Variants in ADGRL3 observed in about 807,000 individuals in gnomAD.
The protein encoded by ADGRL3 is adhesion G protein-coupled receptor L3.
A neutral mutation model predicts 153.5 loss-of-function variants in ADGRL3; 62 were observed. The ratio of observed to expected loss-of-function variants is 0.40; its 90% CI spans 0.33 to 0.50. The LOEUF (loss-of-function observed/expected upper bound fraction) is 0.50. Among genes scored for constraint, ADGRL3 ranks in the 20% least tolerant of loss-of-function variants. The probability of loss-of-function intolerance (pLI) is 0.47; values close to 1 mark genes in which losing one functional copy is unlikely to be tolerated. For synonymous variants in ADGRL3, 710 were observed against 672.5 expected (o/e 1.06, Z -0.86); for missense variants, 1,641 against 1,859.4 (o/e 0.88, Z 2.16).
At chr4:61,623,060 C>G (rs980314952) in intron 5 of ADGRL3, among the ~76,000 whole-genome samples, 1 of 152,048 alleles carries the variant, frequency 6.6e-6, no homozygotes, top group Non-Finnish European at 1.5e-5. Flanking sequence ...TTTGAAATCT[C>G]TCTAACTTTA....
intron 1 of ADGRL3, among the ~76,000 whole-genome samples, chr4:61,275,708 A>G (rs1429115372): frequency 6.6e-6 from 1 of 152,208 alleles, no homozygotes; most frequent in Non-Finnish European, 1.5e-5. Context: ...ACCCATTTAT[A>G]TAACCTGCCT....
chr4:61,330,183 T>C lies in ADGRL3; in HGVS notation c.-239-52941T>C, dbSNP rs570262869. Reference sequence around the variant, plus strand: ...TTTGGTGAATATGATTGATGGTTAATTTGATGTGTTTACTTGACTGGGATA... The same window carrying C: ...TTTGGTGAATATGATTGATGGTTAACTTGATGTGTTTACTTGACTGGGATA... On this transcript the variant is annotated intron_variant, in intron 1 of 26. Coordinates refer to ENST00000683033, the MANE Select transcript of ADGRL3 (RefSeq NM_001387552.1). 2.0e-5 allele frequency among the ~76,000 whole-genome samples: 3 copies of C among 152,186 alleles called. No individual in the cohort carries two copies. In the East Asian group the frequency reaches 5.8e-4, roughly 29 times the overall value.
chr4:62,064,203 C>T (rs1741729269), intron 25 of ADGRL3, among the ~76,000 whole-genome samples: 1 of 151,970 alleles, frequency 6.6e-6, no homozygotes, highest in African/African-American at 2.4e-5. Context: ...CTGCCATTGC[C>T]AGTAAGAGCT....
At chr4:62,020,690 A>G (rs2151377085) in intron 21 of ADGRL3, among the ~76,000 whole-genome samples, 1 of 152,234 alleles carries the variant, frequency 6.6e-6, no homozygotes, top group South Asian at 2.1e-4. Flanking sequence ...AAATTCTGGA[A>G]CTTAAATTTC....
intron 8 of ADGRL3, among the ~76,000 whole-genome samples, chr4:61,772,917 A>C (rs961268791): frequency 2.6e-5 from 4 of 152,130 alleles, no homozygotes; most frequent in African/African-American, 9.7e-5. Context: ...CCATGTTTTA[A>C]AATATTATGT....
At chr4:61,849,136 T>C (rs952941861) in intron 9 of ADGRL3, among the ~76,000 whole-genome samples, 1 of 152,200 alleles carries the variant, frequency 6.6e-6, no homozygotes, top group Admixed American at 6.5e-5. Flanking sequence ...TCCTCTAAAA[T>C]GGTCTGGATT....
At chr4:61,336,875 T>TA (rs2095687961) in intron 1 of ADGRL3, among the ~76,000 whole-genome samples, 2 of 150,168 alleles carry the variant, frequency 1.3e-5, no homozygotes, top group Non-Finnish European at 3.0e-5. Context: ...TTTTTTTTTT[T>TA]ACTAGCTTTG....
At chr4:61,966,290 T>C (rs1395504809) in intron 17 of ADGRL3, among the ~76,000 whole-genome samples, 1 of 152,210 alleles carries the variant, frequency 6.6e-6, no homozygotes. Context: ...TCTTGCCTCA[T>C]GCAGTGTCTA....
chr4:61,620,274 G>T (rs1308464736), intron 5 of ADGRL3, among the ~76,000 whole-genome samples: 2 of 152,100 alleles, frequency 1.3e-5, no homozygotes, highest in African/African-American at 4.8e-5. Flanking sequence ...CAAGACACAG[G>T]ACAGGCGATA....
At chr4:61,569,334 A>G (rs2098829234) in intron 4 of ADGRL3, among the ~76,000 whole-genome samples, 2 of 152,180 alleles carry the variant, frequency 1.3e-5, no homozygotes, top group South Asian at 2.1e-4. Context: ...TTTATAGTAT[A>G]TTTATACAGT....
At chr4:61,941,250 G>A (rs1343173189) in intron 15 of ADGRL3, among the ~76,000 whole-genome samples, 6 of 132,168 alleles carry the variant, frequency 4.5e-5, no homozygotes, top group East Asian at 5.9e-4. Context: ...GTAGATATGC[G>A]GTGTTATTTC....
intron 2 of ADGRL3, among the ~76,000 whole-genome samples, chr4:61,419,044 C>T (rs1252290557): frequency 1.3e-5 from 2 of 150,564 alleles, no homozygotes; most frequent in African/African-American, 4.9e-5. Flanking sequence ...GCTTAGATGA[C>T]AATTATTTTG....
intron 9 of ADGRL3, among the ~76,000 whole-genome samples, chr4:61,841,088 A>G (rs2148992408): frequency 6.6e-6 from 1 of 152,326 alleles, no homozygotes; most frequent in Non-Finnish European, 1.5e-5. Flanking sequence ...CTAGATTCCC[A>G]TAAAAGGCAA....
intron 9 of ADGRL3, among the ~76,000 whole-genome samples, chr4:61,858,227 G>A (rs1581176036): frequency 6.6e-6 from 1 of 152,164 alleles, no homozygotes; most frequent in East Asian, 1.9e-4. Context: ...AGTCTTTGCA[G>A]GCTATGTATG....
chr4:61,748,523 T>C lies in ADGRL3; in HGVS notation c.1399+14969T>C, dbSNP rs937529670. On this transcript the variant is annotated intron_variant, in intron 8 of 26. Coordinates refer to ENST00000683033, the MANE Select transcript of ADGRL3 (RefSeq NM_001387552.1). The stretch of plus-strand genomic sequence containing the variant: ...GTACCAAAACAGAGATATAGATCAA[T>C]GGAACAGATCAGAGCCCTCAGAAAT... Among the ~76,000 whole-genome samples, 6 of 152,138 alleles carry C rather than the reference T, an allele frequency of 3.9e-5. No homozygotes were observed. In the South Asian group the frequency reaches 6.2e-4, roughly 16 times the overall value.
intron 1 of ADGRL3, among the ~76,000 whole-genome samples, chr4:61,213,547 C>T (rs1242037280): frequency 6.6e-6 from 1 of 152,064 alleles, no homozygotes; most frequent in Non-Finnish European, 1.5e-5. Context: ...CTCAACATAA[C>T]ATAACATACT....
chr4:61,809,910 T>C (rs2097590629), intron 8 of ADGRL3, among the ~76,000 whole-genome samples: 1 of 152,150 alleles, frequency 6.6e-6, no homozygotes, highest in South Asian at 2.1e-4. Flanking sequence ...CAGAATGCCC[T>C]TATGAGGTCA....
intron 8 of ADGRL3, among the ~76,000 whole-genome samples, chr4:61,754,369 C>A (rs1276043062): frequency 6.6e-6 from 1 of 151,718 alleles, no homozygotes; most frequent in African/African-American, 2.4e-5. Flanking sequence ...TTTTATTTTT[C>A]TTTATAGTTT....
chr4:61,556,267 G>A (rs1356738862), intron 4 of ADGRL3, among the ~76,000 whole-genome samples: 3 of 152,140 alleles, frequency 2.0e-5, no homozygotes, highest in Admixed American at 6.6e-5. Context: ...AATATAGTCA[G>A]AGGAGATCTC....
Sources: allele counts gnomAD v4.1 joint callset (sites outside exome capture counted in the v4.1 genomes callset), GRCh38; gene constraint gnomAD v4.1.1; transcripts MANE v1.5; gene names NCBI Gene and HGNC (gene_info 2026-07-23, HGNC 2026-07-21).